The following BMERB1 variants were observed in gnomAD, a reference collection of about 807,000 sequenced individuals.
BMERB1 encodes the protein bMERB domain-containing protein 1.
BMERB1 carries 12 observed loss-of-function variants against 23.6 expected under a neutral mutation model. That is an observed-to-expected ratio of 0.51 (90% CI 0.33 to 0.82). BMERB1 has a LOEUF of 0.82. Ranked by LOEUF, BMERB1 falls within the 40% of genes least tolerant of loss-of-function variation. The pLI is 0.03. For missense variants in BMERB1, 247 were observed against 255.4 expected (o/e 0.97, Z 0.22); for synonymous variants, 122 against 96.6 (o/e 1.26, Z -1.54).
chr16:15,557,637 C>T (rs537535670), intron 2 of BMERB1, among the ~76,000 whole-genome samples: 1 of 152,224 alleles, frequency 6.6e-6, no homozygotes, highest in Admixed American at 6.5e-5. Flanking sequence ...CCAGCTGTCT[C>T]TGTTTGCCTG....
chr16:15,583,100 G>A (rs2031056158), intron 4 of BMERB1, 56 bp from the exon 5 acceptor site: 5 of 1,346,604 alleles, frequency 3.7e-6, no homozygotes, highest in African/African-American at 1.4e-5. Flanking sequence ...TTGGTTCCTT[G>A]ATGCTTTCCT....
At chr16:15,542,743 A>G (rs902782624) in intron 2 of BMERB1, among the ~76,000 whole-genome samples, 3 of 151,590 alleles carry the variant, frequency 2.0e-5, no homozygotes, top group African/African-American at 7.3e-5. Context: ...TAGCAGTGAA[A>G]TGGGGGAGCT....
intron 3 of BMERB1, among the ~76,000 whole-genome samples, chr16:15,578,243 T>TC (rs2030921522): frequency 2.0e-5 from 3 of 148,100 alleles, no homozygotes; most frequent in Non-Finnish European, 4.4e-5. Flanking sequence ...TTTTTTTTTT[T>TC]CTAAAAGACA....
chr16:15,566,937 C>CTT (rs1483485738), intron 2 of BMERB1, among the ~76,000 whole-genome samples: 2 of 152,006 alleles, frequency 1.3e-5, no homozygotes, highest in African/African-American at 4.8e-5. Flanking sequence ...TATCCCAGCA[C>CTT]TTTGAGAGGC....
intron 2 of BMERB1, among the ~76,000 whole-genome samples, chr16:15,567,739 G>A (rs921712533): frequency 6.6e-6 from 1 of 152,132 alleles, no homozygotes; most frequent in African/African-American, 2.4e-5. Context: ...CTCCAGCCTG[G>A]GCAACAGAGT....
At chr16:15,452,840 T>G (rs1457471488) in intron 1 of BMERB1, among the ~76,000 whole-genome samples, 4 of 152,132 alleles carry the variant, frequency 2.6e-5, no homozygotes, top group African/African-American at 9.7e-5. Context: ...GGAGGGCATC[T>G]TGAATGCCAG....
chr16:15,498,767 T>C (rs2051499207), intron 1 of BMERB1, among the ~76,000 whole-genome samples: 2 of 151,872 alleles, frequency 1.3e-5, no homozygotes, highest in Non-Finnish European at 2.9e-5. Context: ...CAACAAAGGG[T>C]GATTTTGTCC....
intron 2 of BMERB1, among the ~76,000 whole-genome samples, chr16:15,552,775 C>T (rs2030131670): frequency 6.6e-6 from 1 of 152,242 alleles, no homozygotes; most frequent in South Asian, 2.1e-4. Context: ...GTAGTAGGCG[C>T]TCAAGAACTG....
At chr16:15,472,590 A>G (rs887359790) in intron 1 of BMERB1, among the ~76,000 whole-genome samples, 1 of 152,144 alleles carries the variant, frequency 6.6e-6, no homozygotes, top group Non-Finnish European at 1.5e-5. Flanking sequence ...ACATTTGTGT[A>G]TCTTTTTCTA....
chr16:15,585,092 A>G (rs1261228854), intron 5 of BMERB1, among the ~76,000 whole-genome samples: 1 of 152,202 alleles, frequency 6.6e-6, no homozygotes, highest in Non-Finnish European at 1.5e-5. Context: ...CCTGTGAAAG[A>G]TGGTTGGAGG....
Position 15,515,327 on chromosome 16 carries a change from G to A in BMERB1, c.129G>A (p.Met43Ile), listed in dbSNP as rs1262971083. 1 of 1,613,706 alleles carries A rather than the reference G, an allele frequency of 6.2e-7. No individual in the cohort carries two copies. Among genetic ancestry groups the A allele is most frequent in the Admixed American group, 1.7e-5 (1 of 60,008 alleles). The part of the protein sequence containing the change: ...LGRNQLDIIS[M>I]AETTMMPEEI... ...CAGATCAGCTGGACATCATCTCCAT[G>A]GCGGAGACAACCATGATGCCAGAGG... Residue 43 changes from methionine to isoleucine, a missense_variant, in exon 2 of 6, where the codon ATG (methionine) becomes ATA (isoleucine). Coordinates refer to ENST00000300006, the MANE Select transcript of BMERB1 (RefSeq NM_033201.3).
intron 2 of BMERB1, among the ~76,000 whole-genome samples, chr16:15,564,415 T>C (rs765831843): frequency 5.3e-5 from 8 of 152,222 alleles, no homozygotes; most frequent in Non-Finnish European, 1.0e-4. Flanking sequence ...TATTCCGAGC[T>C]AAATAAGAGA....
chr16:15,478,896 T>TA (rs2150934465), intron 1 of BMERB1, among the ~76,000 whole-genome samples: 1 of 152,314 alleles, frequency 6.6e-6, no homozygotes, highest in African/African-American at 2.4e-5. Context: ...GAATGGGAAA[T>TA]ACACGAAAAG....
intron 2 of BMERB1, among the ~76,000 whole-genome samples, chr16:15,557,118 G>C (rs2030283773): frequency 6.6e-6 from 1 of 152,102 alleles, no homozygotes; most frequent in Non-Finnish European, 1.5e-5. Flanking sequence ...TATTATTCCA[G>C]CAGGGCCTGA....
intron 1 of BMERB1, among the ~76,000 whole-genome samples, chr16:15,465,342 C>A (rs905597104): frequency 2.3e-5 from 3 of 129,762 alleles, no homozygotes; most frequent in Non-Finnish European, 4.8e-5. Flanking sequence ...TTGGTCAATG[C>A]TAAGATATAT....
chr16:15,547,013 CTT>C (rs34983068), intron 2 of BMERB1, among the ~76,000 whole-genome samples: 88 of 130,108 alleles, frequency 6.8e-4, no homozygotes, highest in Admixed American at 1.1e-3. Flanking sequence ...GCTCTTTTAG[CTT>C]TTTTTTTTTT....
intron 2 of BMERB1, among the ~76,000 whole-genome samples, chr16:15,517,173 G>A (rs569778606): frequency 6.6e-6 from 1 of 152,288 alleles, no homozygotes; most frequent in South Asian, 2.1e-4. Context: ...AAAATGATAC[G>A]TGAGCATTCA....
intron 1 of BMERB1, among the ~76,000 whole-genome samples, chr16:15,511,040 C>G (rs765714078): frequency 2.0e-5 from 3 of 152,090 alleles, no homozygotes; most frequent in Non-Finnish European, 4.4e-5. Context: ...CTCCTTCCCT[C>G]CTTTCTCAAG....
intron 2 of BMERB1, among the ~76,000 whole-genome samples, chr16:15,518,695 G>T (rs1373770785): frequency 1.3e-5 from 2 of 152,054 alleles, no homozygotes; most frequent in South Asian, 2.1e-4. Context: ...GTAATGGGAG[G>T]TTACAAAATT....
Sources: gnomAD v4.1 joint callset for allele counts (sites outside exome capture counted in the v4.1 genomes callset) on GRCh38, gnomAD v4.1.1 for gene constraint, MANE v1.5 for transcripts, NCBI Gene and HGNC (gene_info 2026-07-23, HGNC 2026-07-21) for gene names.